ADRA1A: variants seen among roughly 807,000 people sequenced by gnomAD.
The protein encoded by ADRA1A is alpha-1A adrenergic receptor.
ADRA1A carries 31 observed loss-of-function variants against 29.6 expected under a neutral mutation model. That is an observed-to-expected ratio of 1.05 (90% CI 0.79 to 1.41). ADRA1A has a LOEUF of 1.41. Among genes scored for constraint, ADRA1A ranks in the 40% most tolerant of loss-of-function variants. The probability of loss-of-function intolerance (pLI) is 0.00; values close to 1 mark genes in which losing one functional copy is unlikely to be tolerated. For synonymous variants in ADRA1A, 311 were observed against 254.3 expected, an observed-to-expected ratio of 1.22 and a Z score of -2.12; for missense variants, 619 against 601.1, an observed-to-expected ratio of 1.03 and a Z score of -0.31.
intron 2 of ADRA1A, among the ~76,000 whole-genome samples, chr8:26,810,038 A>G (rs886764745): frequency 6.6e-6 from 1 of 152,050 alleles, no homozygotes; most frequent in Non-Finnish European, 1.5e-5. Flanking sequence ...GCCCTTGAAA[A>G]CCGGCTGCCC....
At chr8:26,786,114 A>G (rs1585686007) in intron 2 of ADRA1A, among the ~76,000 whole-genome samples, 1 of 152,126 alleles carries the variant, frequency 6.6e-6, no homozygotes, top group East Asian at 1.9e-4. Context: ...GATGAAGCCC[A>G]ACGTCCATAG....
At chr8:26,816,854 C>T (rs1809807573) in intron 2 of ADRA1A, among the ~76,000 whole-genome samples, 1 of 152,236 alleles carries the variant, frequency 6.6e-6, no homozygotes, top group Admixed American at 6.5e-5. Flanking sequence ...CTCCCTCTCA[C>T]TCTTTGCAAC....
chr8:26,756,564 T>A, exon 3 of ADRA1A: 1 of 1,548,292 alleles, frequency 6.5e-7, no homozygotes, highest in Non-Finnish European at 8.7e-7. Context: ...GTTTTTCCTG[T>A]ATCAGTAACA....
At chr8:26,755,660 C>T (rs554034981), downstream of ADRA1A, among the ~76,000 whole-genome samples, 17 of 152,300 alleles carry the variant, frequency 1.1e-4, no homozygotes, top group Admixed American at 9.8e-4. Context: ...TTTTGATAAG[C>T]CTAACTCTGC....
chr8:26,820,976 A>G (rs889574058), intron 2 of ADRA1A, among the ~76,000 whole-genome samples: 6 of 151,634 alleles, frequency 4.0e-5, no homozygotes, highest in African/African-American at 7.3e-5. Context: ...TGCAACTTCC[A>G]CCTCCTGGGT....
At position 26,799,068 on chromosome 8, in the gene ADRA1A, A is replaced by G. The variant is rs369705187; in HGVS notation, c.884-28402T>C. ...AACTAAAAAAGCCCCGGATGTTGTCAAGATTGCATTTGTTTATTTAATGTA... is the reference window on the plus strand; with the variant it reads ...AACTAAAAAAGCCCCGGATGTTGTCGAGATTGCATTTGTTTATTTAATGTA... On this transcript the variant is annotated intron_variant, in intron 2 of 2. Coordinates refer to ENST00000380573, the MANE Select transcript of ADRA1A (RefSeq NM_000680.4). 2.6e-5 allele frequency among the ~76,000 whole-genome samples: 4 copies of G among 152,326 alleles called. No homozygotes were observed. In the East Asian group the frequency reaches 7.7e-4, roughly 29 times the overall value.
At position 26,823,368 on chromosome 8, in the gene ADRA1A, T is replaced by G. The variant is rs1810319405; in HGVS notation, c.883+40719A>C. On this transcript the variant is annotated intron_variant, in intron 2 of 2. Coordinates refer to ENST00000380573, the MANE Select transcript of ADRA1A (RefSeq NM_000680.4). The surrounding 1 kb of genome is among the most constrained non-coding windows in gnomAD (Gnocchi z 4.2). ...AGCCTCACAGAATTCATCATCAAGA[T>G]AGGTCATGAATGGGAATGCACACCA... is the stretch of plus-strand genomic sequence containing the variant. 6.6e-6 allele frequency among the ~76,000 whole-genome samples: 1 copy of G among 152,094 alleles called. No homozygotes were observed. The highest frequency in any genetic ancestry group is 1.5e-5 in the Non-Finnish European group (1 of 68,018).
At chr8:26,779,172 TA>T (rs1368274865) in intron 2 of ADRA1A, 1 of 612,742 alleles carries the variant, frequency 1.6e-6, no homozygotes, top group Non-Finnish European at 2.9e-6. Flanking sequence ...GAGACCAGGT[TA>T]TCTCTCTCAC....
At chr8:26,784,011 C>T (rs1177079298) in intron 2 of ADRA1A, among the ~76,000 whole-genome samples, 1 of 151,856 alleles carries the variant, frequency 6.6e-6, no homozygotes. Flanking sequence ...ACAACATACA[C>T]TGGGGCCTGT....
chr8:26,794,279 T>A (rs569000425), intron 2 of ADRA1A, among the ~76,000 whole-genome samples: 1 of 152,228 alleles, frequency 6.6e-6, no homozygotes, highest in South Asian at 2.1e-4. Flanking sequence ...TTCATGCAAC[T>A]TTATCTGTCT....
chr8:26,786,134 T>C (rs1012840470), intron 2 of ADRA1A, among the ~76,000 whole-genome samples: 1 of 152,184 alleles, frequency 6.6e-6, no homozygotes, highest in Non-Finnish European at 1.5e-5. Flanking sequence ...GCATGGGCCA[T>C]AGGGCCATAT....
chr8:26,818,667 A>G (rs1563277434), intron 2 of ADRA1A, among the ~76,000 whole-genome samples: 1 of 152,142 alleles, frequency 6.6e-6, no homozygotes, highest in Non-Finnish European at 1.5e-5. Context: ...GAGATTCTGG[A>G]GCTGGATAAT....
At chr8:26,798,396 G>T (rs1808332740) in intron 2 of ADRA1A, among the ~76,000 whole-genome samples, 1 of 152,158 alleles carries the variant, frequency 6.6e-6, no homozygotes, top group Non-Finnish European at 1.5e-5. Flanking sequence ...AAGAAAAAAT[G>T]CTTTCTCAAA....
chr8:26,852,723 T>G (rs1812729245), intron 2 of ADRA1A, among the ~76,000 whole-genome samples: 1 of 152,154 alleles, frequency 6.6e-6, no homozygotes, highest in Admixed American at 6.5e-5. Flanking sequence ...ATAGGCAAGT[T>G]TTTCAAACCT....
intron 2 of ADRA1A, among the ~76,000 whole-genome samples, chr8:26,784,541 G>A (rs1406356678): frequency 1.3e-5 from 2 of 152,142 alleles, no homozygotes; most frequent in Non-Finnish European, 1.5e-5. Context: ...CTCACTCACA[G>A]AAAAATGTTC....
intron 2 of ADRA1A, among the ~76,000 whole-genome samples, chr8:26,795,267 G>A (rs954384310): frequency 2.7e-5 from 4 of 147,916 alleles, no homozygotes; most frequent in Non-Finnish European, 3.0e-5. Context: ...ACAACCATTG[G>A]CCAATGATGA....
intron 2 of ADRA1A, among the ~76,000 whole-genome samples, chr8:26,813,975 A>C (rs1458244955): frequency 6.6e-6 from 1 of 152,224 alleles, no homozygotes; most frequent in African/African-American, 2.4e-5. Flanking sequence ...TCCTCAGGTC[A>C]GGCCAAGCTT....
At chr8:26,760,048 G>A (rs61759716) in intron 2 of ADRA1A, among the ~76,000 whole-genome samples, 4 of 152,278 alleles carry the variant, frequency 2.6e-5, no homozygotes, top group Admixed American at 1.3e-4. Flanking sequence ...AGGCCACAGC[G>A]GCATGGTGTC....
At chr8:26,755,825 A>C (rs774743740), downstream of ADRA1A, among the ~76,000 whole-genome samples, 1 of 152,164 alleles carries the variant, frequency 6.6e-6, no homozygotes, top group Non-Finnish European at 1.5e-5. Context: ...TAGAGTGAAT[A>C]AAGAAATGAG....
Sources: gnomAD v4.1 joint callset for allele counts (sites outside exome capture counted in the v4.1 genomes callset) on GRCh38, gnomAD v4.1.1 for gene constraint, Gnocchi (gnomAD v3.1) non-coding constraint, MANE v1.5 for transcripts, NCBI Gene and HGNC (gene_info 2026-07-23, HGNC 2026-07-21) for gene names.